The following TNK2 variants were observed in gnomAD, a reference collection of about 807,000 sequenced individuals.
TNK2 encodes tyrosine kinase non receptor 2.
TNK2 carries 83 observed loss-of-function variants against 101.8 expected under a neutral mutation model. The ratio of observed to expected loss-of-function variants is 0.82; its 90% CI spans 0.68 to 0.98. The LOEUF is 0.98. Ranked by LOEUF, TNK2 falls within the 50% of genes least tolerant of loss-of-function variation. TNK2 has a pLI of 0.00. For missense variants in TNK2, 1,665 were observed against 1,483.2 expected, an observed-to-expected ratio of 1.12 and a Z score of -2.01; for synonymous variants, 804 against 633.0, an observed-to-expected ratio of 1.27 and a Z score of -4.06.
At chr3:195,870,973 G>GGGGTTTTGGTGTGTGGGGGCCCGCTGTGT (rs1744798584) in intron 10 of TNK2, among the ~76,000 whole-genome samples, 1 of 129,298 alleles carries the variant, frequency 7.7e-6, no homozygotes. Context: ...CTCGCTGTGT[G>GGGGTTTTGGTGTGTGGGGGCCCGCTGTGT]GGGTTCTGGT....
chr3:195,891,105 T>C (rs1029434639), intron 1 of TNK2, among the ~76,000 whole-genome samples: 2 of 152,260 alleles, frequency 1.3e-5, no homozygotes, highest in Admixed American at 1.3e-4. Flanking sequence ...ATTAACTTTA[T>C]TTAAGACAAG....
rs1738942555 is a variant in TNK2 at position 195,864,098 on chromosome 3, G to C, written c.*83C>G. 2 of 1,591,482 alleles carry C rather than the reference G, an allele frequency of 1.3e-6. No individual in the cohort carries two copies. Among genetic ancestry groups the C allele is most frequent in the Non-Finnish European group, 1.7e-6 (2 of 1,161,580 alleles). ...AGGAGCAGCGGGTCCTCCAGGACTGGATGGGGGCATCTCCCCACTCCTGGT... is the reference window on the plus strand; with the variant it reads ...AGGAGCAGCGGGTCCTCCAGGACTGCATGGGGGCATCTCCCCACTCCTGGT... On this transcript the variant is annotated 3_prime_UTR_variant, in exon 16 of 16. Transcript: ENST00000672887.
At chr3:195,887,522 T>G (rs1020377779) in intron 2 of TNK2, among the ~76,000 whole-genome samples, 5 of 152,226 alleles carry the variant, frequency 3.3e-5, no homozygotes, top group Non-Finnish European at 7.3e-5. Flanking sequence ...AGTCAGTGTC[T>G]AACTTGACAC....
intron 15 of TNK2, 120 bp downstream of exon 15, chr3:195,866,769 G>A: frequency 1.4e-6 from 2 of 1,410,660 alleles, no homozygotes; most frequent in South Asian, 2.8e-5. Flanking sequence ...CCCGCAGCTG[G>A]AGAGCTGTGT....
In TNK2 at chr3:195,868,120, C is replaced by T; in HGVS notation, c.2178G>A (p.Gln726=). ...AQTAEIFQAL[Q]QECMRQLQAP... ...CCTGCAGTTGCCTCATGCACTCCTG[C>T]TGTAGCGCCTGGAAGATCTCTGCGG... Residue 726 remains glutamine (Q), a synonymous_variant, in exon 13 of 16, where the codon CAG becomes CAA. Transcript: ENST00000672887. 6.2e-7 allele frequency: 1 copy of T among 1,611,606 alleles called. No homozygotes were observed. Among genetic ancestry groups the T allele is most frequent in the Non-Finnish European group, 8.5e-7 (1 of 1,179,488 alleles).
chr3:195,903,765 CA>C (rs1761464510), intron 1 of TNK2, among the ~76,000 whole-genome samples: 1 of 151,816 alleles, frequency 6.6e-6, no homozygotes, highest in Non-Finnish European at 1.5e-5. Flanking sequence ...GGCAATCAGG[CA>C]AGAAAAAGAA....
chr3:195,900,857 G>A lies in TNK2; in HGVS notation c.-19+7628C>T, dbSNP rs886600606. On this transcript the variant is annotated intron_variant, in intron 1 of 15. Transcript: ENST00000672887. ...TTCCAGGGCTGGGCAGAGGCTGCCCGGCTCGTCATCCTGCCTGCTGCCAGC... is the reference window on the plus strand; with the variant it reads ...TTCCAGGGCTGGGCAGAGGCTGCCCAGCTCGTCATCCTGCCTGCTGCCAGC... Among the ~76,000 whole-genome samples the A allele has an allele frequency of 5.9e-5, 9 of 152,308 alleles. No homozygotes were observed. The East Asian group carries it at 1.2e-3, about 20-fold the overall frequency.
intron 1 of TNK2, chr3:195,892,797 C>A: frequency 8.9e-7 from 1 of 1,124,294 alleles, no homozygotes; most frequent in Admixed American, 4.8e-5. Flanking sequence ...CCCGCCCGGC[C>A]GCCCTCCCTC....
chr3:195,903,072 TC>T (rs777153922), intron 1 of TNK2, among the ~76,000 whole-genome samples: 4 of 122,440 alleles, frequency 3.3e-5, no homozygotes, highest in Admixed American at 8.4e-5. Flanking sequence ...TTTTTTTTTT[TC>T]TTTTGTGACA....
At position 195,871,258 on chromosome 3, in the gene TNK2, C is replaced by T. The variant is rs543083625; in HGVS notation, c.1451+1018G>A. ...CTGCGTGTCCTTCCCAGATGCCCCT[C>T]GGTGGCCTTATCCTCTTACATAGGA... On this transcript the variant is annotated intron_variant, in intron 10 of 15. Coordinates refer to ENST00000672887, the MANE Select transcript of TNK2 (RefSeq NM_001382273.1). Among the ~76,000 whole-genome samples, 9 of 152,230 alleles carry T rather than the reference C, an allele frequency of 5.9e-5. No individual in the cohort carries two copies. In the South Asian group the frequency reaches 1.2e-3, roughly 21 times the overall value.
intron 9 of TNK2, among the ~76,000 whole-genome samples, chr3:195,876,104 A>G (rs1318789315): frequency 2.0e-5 from 3 of 152,204 alleles, no homozygotes; most frequent in African/African-American, 7.2e-5. Context: ...AAGGACCCGC[A>G]ATGGATTCCA....
Position 195,884,914 on chromosome 3 carries a change from G to A in TNK2, c.354C>T (p.Thr118=), listed in dbSNP as rs772612514. Reference sequence around the variant, plus strand: ...GCAGGTCCTTCTCCCCAATGAGGCAGGTGAGGCTCTGCAGGGGCCCCTCCC... The same window carrying A: ...GCAGGTCCTTCTCCCCAATGAGGCAAGTGAGGCTCTGCAGGGGCCCCTCCC... The part of the protein sequence containing the change: ...PAGEGPLQSL[T]CLIGEKDLRL... Residue 118 remains threonine, a synonymous_variant, in exon 4 of 16, where the codon ACC becomes ACT. Coordinates refer to ENST00000672887, the MANE Select transcript of TNK2 (RefSeq NM_001382273.1). The A allele has an allele frequency of 6.2e-7, 1 of 1,614,146 alleles. No individual in the cohort carries two copies. The highest frequency in any genetic ancestry group is 8.5e-7 in the Non-Finnish European group (1 of 1,180,026).
chr3:195,895,553 C>T, intron 1 of TNK2: 1 of 1,327,650 alleles, frequency 7.5e-7, no homozygotes, highest in Non-Finnish European at 9.6e-7. Context: ...AGCTCCGTTC[C>T]TCCTCTCCGG....
In TNK2 at chr3:195,886,872, G is replaced by C; in HGVS notation, c.234+105C>G. On this transcript the variant is annotated intron_variant, in intron 3 of 15. Coordinates refer to ENST00000672887, the MANE Select transcript of TNK2 (RefSeq NM_001382273.1). This position sits in a 1 kb window ranked among gnomAD's most constrained non-coding sequence, Gnocchi z 4.2. Reference sequence around the variant, plus strand: ...CTGTACAAAGTGCCGGCAGAACGGCGAGATTCGACCTGCCGGGGAGCTGGG... The same window carrying C: ...CTGTACAAAGTGCCGGCAGAACGGCCAGATTCGACCTGCCGGGGAGCTGGG... 1 of 1,291,736 alleles carries C rather than the reference G, an allele frequency of 7.7e-7. No homozygotes were observed. Among genetic ancestry groups the C allele is most frequent in the Non-Finnish European group, 1.1e-6 (1 of 888,054 alleles). The allele number at this position is 1,291,736 out of a possible 1,614,324, so 80.0% of individuals were successfully genotyped here.
chr3:195,887,662 T>C (rs1756316994), intron 2 of TNK2, among the ~76,000 whole-genome samples: 1 of 152,234 alleles, frequency 6.6e-6, no homozygotes, highest in South Asian at 2.1e-4. Flanking sequence ...GACTTTTAGA[T>C]GCTACAACCC....
intron 1 of TNK2, chr3:195,895,246 C>G (rs747916244): frequency 1.9e-6 from 3 of 1,542,798 alleles, no homozygotes; most frequent in Non-Finnish European, 2.6e-6. Context: ...TCCCCATTAC[C>G]TGCGGTCCCT....
intron 9 of TNK2, among the ~76,000 whole-genome samples, chr3:195,873,320 C>T (rs1391787287): frequency 2.0e-5 from 3 of 152,208 alleles, no homozygotes; most frequent in African/African-American, 7.2e-5. Flanking sequence ...ACAGGGCTCC[C>T]GCAAGACACT....
intron 9 of TNK2, among the ~76,000 whole-genome samples, chr3:195,873,107 C>A (rs1746577171): frequency 6.6e-6 from 1 of 152,210 alleles, no homozygotes; most frequent in Admixed American, 6.5e-5. Context: ...TCCACCACCT[C>A]CCGGAAGGCC....
rs1382351200 is a variant in TNK2 at position 195,878,663 on chromosome 3, A to G, written c.1015-71T>C. 4 of 1,562,610 alleles carry G rather than the reference A, an allele frequency of 2.6e-6. No individual in the cohort carries two copies. In the East Asian group the frequency reaches 6.9e-5, roughly 27 times the overall value. ...GCCCTTCACTTCCCGCCTTCCCTCC[A>G]GCCCATCCACAGCTGCAGCGGCTGC... On this transcript the variant is annotated intron_variant, in intron 7 of 15. Coordinates refer to ENST00000672887, the MANE Select transcript of TNK2 (RefSeq NM_001382273.1). This position sits in a 1 kb window ranked among gnomAD's most constrained non-coding sequence, Gnocchi z 4.7.
Sources: allele counts gnomAD v4.1 joint callset (sites outside exome capture counted in the v4.1 genomes callset), GRCh38; gene constraint gnomAD v4.1.1; non-coding constraint Gnocchi (gnomAD v3.1); transcripts MANE v1.5; gene names NCBI Gene and HGNC (gene_info 2026-07-23, HGNC 2026-07-21).